VKORC1: variants seen among roughly 807,000 people sequenced by gnomAD.
VKORC1 encodes vitamin K epoxide reductase complex subunit 1, also known as phylloquinone epoxide reductase.
Under a neutral mutation model 14.8 loss-of-function variants are expected in VKORC1, and 12 were observed. The ratio of observed to expected loss-of-function variants is 0.81; its 90% CI spans 0.52 to 1.31. The LOEUF (loss-of-function observed/expected upper bound fraction) is 1.31. Among genes scored for constraint, VKORC1 ranks in the 50% most tolerant of loss-of-function variants. VKORC1 has a pLI of 0.00. For missense variants in VKORC1, 223 were observed against 215.3 expected, an observed-to-expected ratio of 1.04 and a Z score of -0.22; for synonymous variants, 94 against 92.5, an observed-to-expected ratio of 1.02 and a Z score of -0.09.
chr16:31,092,023 C>A (rs57954739), intron 2 of VKORC1, among the ~76,000 whole-genome samples: 355 of 151,900 alleles, frequency 2.3e-3, no homozygotes, highest in African/African-American at 8.2e-3. Flanking sequence ...ACTAAAAATA[C>A]AAAAATTAGC....
At chr16:31,091,529 C>G (rs1050028249) in intron 2 of VKORC1, among the ~76,000 whole-genome samples, 187 bp from the exon 3 acceptor site, 2 of 152,218 alleles carry the variant, frequency 1.3e-5, no homozygotes, top group African/African-American at 4.8e-5. Context: ...GGTGGGAAGA[C>G]TGCTTTAGGC....
intron 1 of VKORC1, 179 bp from the exon 2 acceptor site, chr16:31,093,600 ATT>A: frequency 7.1e-7 from 1 of 1,417,382 alleles, no homozygotes; most frequent in Non-Finnish European, 9.4e-7. Context: ...CCACGTCAGG[ATT>A]CCATGTCACT....
At chr16:31,094,272 G>A (rs770485835) in intron 1 of VKORC1, 2 of 1,612,720 alleles carry the variant, frequency 1.2e-6, no homozygotes, top group Non-Finnish European at 1.7e-6. Flanking sequence ...AATCTCTACC[G>A]CCATCCTGCC....
chr16:31,092,707 G>A (rs2057297307), intron 2 of VKORC1: 1 of 1,258,928 alleles, frequency 7.9e-7, no homozygotes, highest in African/African-American at 1.6e-5. Context: ...GATAGCTCAT[G>A]CTCAGCTTCT....
chr16:31,091,375 C>G (rs1455521584), intron 2 of VKORC1, 33 bp from the exon 3 acceptor site: 2 of 1,598,836 alleles, frequency 1.3e-6, no homozygotes, highest in Non-Finnish European at 1.7e-6. Flanking sequence ...GTGTGGGCTT[C>G]AGGCACTGGC....
In VKORC1 at chr16:31,094,121, G is replaced by A. The variant is rs568317360; in HGVS notation, c.173+436C>T. On this transcript the variant is annotated intron_variant, in intron 1 of 2. Transcript: ENST00000394975. ...GGACCCCAGAATCTCCAGCTCCCTG[G>A]CCACTCACTCGCCTCCTCTGTATTC... 4.6e-6 allele frequency: 7 copies of A among 1,512,614 alleles called. No homozygotes were observed. In the East Asian group the frequency reaches 1.4e-4, roughly 30 times the overall value. 93.7% of individuals were successfully genotyped at this position (1,512,614 alleles called of 1,614,324 possible).
At chr16:31,093,591 C>G in intron 1 of VKORC1, 170 bp from the exon 2 acceptor site, 2 of 1,505,716 alleles carry the variant, frequency 1.3e-6, no homozygotes, top group Non-Finnish European at 1.8e-6. Flanking sequence ...CACCTTTGGC[C>G]ACGTCAGGAT....
chr16:31,093,935 T>G, intron 1 of VKORC1: 1 of 402,502 alleles, frequency 2.5e-6, no homozygotes, highest in Non-Finnish European at 4.5e-6. Flanking sequence ...AACTCCTGAC[T>G]TCAAGTGATC....
Position 31,091,236 on chromosome 16 carries a change from A to C in VKORC1, c.390T>G (p.Asp130Glu), listed in dbSNP as rs183024280. The C allele has an allele frequency of 2.5e-5, 40 of 1,614,188 alleles. No homozygotes were observed. In the East Asian group the frequency reaches 8.5e-4, roughly 34 times the overall value. The change falls in exon 3 of 3, where the codon GAT becomes GAG. Residue 130 changes from aspartate (D) to glutamate (E), a missense_variant. Physicochemically the swap from Asp to Glu is conservative, Grantham distance 45. Coordinates refer to ENST00000394975, the MANE Select transcript of VKORC1 (RefSeq NM_024006.6). ...LAWILFFVLY[D>E]FCIVCITTYA... ...AGGTGGTGATACAAACAATGCAGAA[A>C]TCATAGAGCACGAAGAACAGGATCC...
At chr16:31,091,638 G>A (rs55832322) in intron 2 of VKORC1, among the ~76,000 whole-genome samples, 1 of 152,216 alleles carries the variant, frequency 6.6e-6, no homozygotes, top group Non-Finnish European at 1.5e-5. Context: ...TGTAATCCCA[G>A]TATTTTGGGA....
chr16:31,094,467 C>G, intron 1 of VKORC1, 90 bp downstream of exon 1: 1 of 1,612,898 alleles, frequency 6.2e-7, no homozygotes, highest in Non-Finnish European at 8.5e-7. Flanking sequence ...TGTCCGTTCC[C>G]CGGGCACACC....
intron 1 of VKORC1, chr16:31,093,697 CTCTTTTTTT>C (rs1445266906): frequency 2.6e-5 from 1 of 38,724 alleles, no homozygotes; most frequent in East Asian, 7.9e-4. Flanking sequence ...TTAAGTAAGT[CTCTTTTTTT>C]TTTTTTTTTT....
At chr16:31,091,492 C>A in intron 2 of VKORC1, 150 bp from the exon 3 acceptor site, 5 of 1,476,438 alleles carry the variant, frequency 3.4e-6, no homozygotes, top group South Asian at 1.2e-5. Context: ...GGCTTACGCA[C>A]GTATTCCAAA....
rs755166588 is a variant in VKORC1, at chr16:31,094,710, C to T, written c.20G>A (p.Ser7Asn). 10 of 1,607,384 alleles carry T rather than the reference C, an allele frequency of 6.2e-6. No homozygotes were observed. Among genetic ancestry groups the T allele is most frequent in the South Asian group, 5.5e-5 (5 of 90,544 alleles). The change falls in exon 1 of 3, where the codon AGC (serine) becomes AAC (asparagine). Residue 7 changes from serine to asparagine, a missense_variant. Transcript: ENST00000394975. MGSTWG[S>N]PGWVRLALCL... Reference sequence around the variant, plus strand: ...AAGAGCGAGCCGCACCCAGCCAGGGCTCCCCCAGGTGCTGCCCATTATCTC... The same window carrying T: ...AAGAGCGAGCCGCACCCAGCCAGGGTTCCCCCAGGTGCTGCCCATTATCTC...
intron 1 of VKORC1, 107 bp from the exon 2 acceptor site, chr16:31,093,528 T>C (rs1348319264): frequency 6.4e-7 from 1 of 1,570,618 alleles, no homozygotes; most frequent in South Asian, 1.2e-5. Flanking sequence ...GGCTATCCTC[T>C]GTTCCCCGAC....
intron 2 of VKORC1, among the ~76,000 whole-genome samples, chr16:31,091,761 C>T (rs541892519): frequency 3.3e-5 from 5 of 152,250 alleles, no homozygotes; most frequent in African/African-American, 9.6e-5. Context: ...TTGATGGGCA[C>T]CTGTAATCCC....
chr16:31,093,515 C>A (rs781509282), intron 1 of VKORC1, 94 bp from the exon 2 acceptor site: 2 of 1,586,662 alleles, frequency 1.3e-6, no homozygotes, highest in Non-Finnish European at 1.7e-6. Flanking sequence ...AAGAAGCCAC[C>A]TGGGCTATCC....
intron 1 of VKORC1, chr16:31,094,069 G>A: frequency 8.1e-7 from 1 of 1,237,830 alleles, no homozygotes; most frequent in Non-Finnish European, 1.1e-6. Flanking sequence ...CAGAGACTGG[G>A]AGTCGGGGGC....
intron 2 of VKORC1, 146 bp from the exon 3 acceptor site, chr16:31,091,488 C>A: frequency 6.7e-7 from 1 of 1,484,110 alleles, no homozygotes; most frequent in Non-Finnish European, 9.0e-7. Flanking sequence ...TGGTGGCTTA[C>A]GCACGTATTC....
Sources: gnomAD v4.1 joint callset for allele counts (sites outside exome capture counted in the v4.1 genomes callset) on GRCh38, gnomAD v4.1.1 for gene constraint, MANE v1.5 for transcripts, NCBI Gene and HGNC (gene_info 2026-07-23, HGNC 2026-07-21) for gene names.